GPR149: variants seen among roughly 807,000 people sequenced by gnomAD.
The protein encoded by GPR149 is probable G protein-coupled receptor 149.
A neutral mutation model predicts 50.2 loss-of-function variants in GPR149; 50 were observed. The ratio of observed to expected loss-of-function variants is 1.00; its 90% confidence interval spans 0.79 to 1.26. The LOEUF is 1.26. Ranked by LOEUF, GPR149 falls within the 50% of genes most tolerant of loss-of-function variation. The pLI, the probability that GPR149 is intolerant of heterozygous loss-of-function variation, is 0.00. For missense variants in GPR149, 983 were observed against 895.4 expected, an observed-to-expected ratio of 1.10 and a Z score of -1.25; for synonymous variants, 405 against 358.2, an observed-to-expected ratio of 1.13 and a Z score of -1.48.
At position 154,421,328 on chromosome 3, in the gene GPR149, TTG is replaced by T; in HGVS notation, c.1332_1333del (p.Asp444GlufsTer3). On this transcript the variant is annotated frameshift_variant, in exon 3 of 4. Coordinates refer to ENST00000389740, the MANE Select transcript of GPR149 (RefSeq NM_001038705.3). LOFTEE classifies it high-confidence loss of function. ...TTTTATAGCATTGAAGATGTTACGG[TTG>T]TCTCTCTGAGGGTCTTTTGTAGTTT... The T allele has an allele frequency of 6.2e-7, 1 of 1,613,352 alleles. No individual in the cohort carries two copies. Among genetic ancestry groups the T allele is most frequent in the Non-Finnish European group, 8.5e-7 (1 of 1,179,476 alleles).
At chr3:154,357,645 T>A (rs1714272084) in intron 3 of GPR149, among the ~76,000 whole-genome samples, 1 of 152,186 alleles carries the variant, frequency 6.6e-6, no homozygotes, top group East Asian at 1.9e-4. Context: ...AAACAACAGG[T>A]GCTAGAGAGG....
rs1447939437 is a variant in GPR149 at position 154,336,223 on chromosome 3, T to C, written c.*1476A>G. 4 of 152,124 alleles carry C rather than the reference T, an allele frequency of 2.6e-5. No individual in the cohort carries two copies. The highest frequency in any genetic ancestry group is 4.4e-5 in the Non-Finnish European group (3 of 67,948). The allele number at this position is 152,124 out of a possible 1,614,324, so 9.4% of individuals were successfully genotyped here. A position where few individuals can be genotyped will look rare whatever the true frequency, so the allele number is the denominator to read the frequency against. On this transcript the variant is annotated 3_prime_UTR_variant, in exon 4 of 4. Transcript: ENST00000389740. ...AGAAGTTAAAGATTGAGAAAGTCCA[T>C]TGAGATAATTATTTTGAAAATGACT... is the stretch of plus-strand genomic sequence containing the variant.
At chr3:154,379,966 AAAC>A (rs573877385) in intron 3 of GPR149, among the ~76,000 whole-genome samples, 3 of 152,180 alleles carry the variant, frequency 2.0e-5, no homozygotes, top group Non-Finnish European at 4.4e-5. Flanking sequence ...CTTTTGGTAG[AAAC>A]AAGCAAGCAA....
rs759637251 is a variant in GPR149 at position 154,401,646 on chromosome 3, C to G, written c.1623+19393G>C. On this transcript the variant is annotated intron_variant, in intron 3 of 3. Coordinates refer to ENST00000389740, the MANE Select transcript of GPR149 (RefSeq NM_001038705.3). ...TAGATACATTTCAACTTTCAGAAGG[C>G]AAACTGGGGGGAAAAACAGGAAAAA... is the stretch of plus-strand genomic sequence containing the variant. Among the ~76,000 whole-genome samples, 150 of 151,652 alleles carry G rather than the reference C, an allele frequency of 9.9e-4. 4 individuals carry two copies. The highest frequency in any genetic ancestry group is 3.5e-3 in the Admixed American group (53 of 15,208).
chr3:154,396,542 T>C (rs762529544), intron 3 of GPR149, among the ~76,000 whole-genome samples: 21 of 152,138 alleles, frequency 1.4e-4, no homozygotes, highest in Non-Finnish European at 2.4e-4. Context: ...ACAGTTTAAA[T>C]TAATCATTAT....
rs1196530746 is a variant in GPR149 at position 154,429,229 on chromosome 3, G to T, written c.387C>A (p.Tyr129Ter). ...CACCTCTGTGCATCGTATAAAAGTT[G>T]TAAGAGACTAGGAGAGTCGCCTTCA... The part of the protein sequence containing the change: ...SNLKATLLVS[Y>*]NFYTMHRGVG... Residue 129 changes from tyrosine (Y) to a stop codon, truncating the protein, a stop_gained, in exon 1 of 4, where the codon TAC (tyrosine) becomes TAA (stop). Coordinates refer to ENST00000389740, the MANE Select transcript of GPR149 (RefSeq NM_001038705.3). LOFTEE classifies it high-confidence loss of function. 2.5e-6 allele frequency: 4 copies of T among 1,614,082 alleles called. No individual in the cohort carries two copies. The highest frequency in any genetic ancestry group is 2.2e-5 in the East Asian group (1 of 44,874).
At chr3:154,427,795 C>T in intron 1 of GPR149, 87 bp from the exon 2 acceptor site, 1 of 1,246,140 alleles carries the variant, frequency 8.0e-7, no homozygotes. Flanking sequence ...GCCTCAGTTC[C>T]CTTTCCAGTT....
chr3:154,367,166 C>G (rs758972420), intron 3 of GPR149, among the ~76,000 whole-genome samples: 1 of 152,138 alleles, frequency 6.6e-6, no homozygotes, highest in Admixed American at 6.5e-5. Flanking sequence ...GTGAAACTCA[C>G]TCCTTTCCTG....
chr3:154,336,655 A>C lies in GPR149; in HGVS notation c.*1044T>G, dbSNP rs1713661860. On this transcript the variant is annotated 3_prime_UTR_variant, in exon 4 of 4. Coordinates refer to ENST00000389740, the MANE Select transcript of GPR149 (RefSeq NM_001038705.3). ...ACAATCACTTAATAAAATAGGTTCA[A>C]CTGTTTCTTTGAGACAACACGTCTT... 6.6e-6 allele frequency: 1 copy of C among 152,130 alleles called. No individual in the cohort carries two copies. Among genetic ancestry groups the C allele is most frequent in the African/African-American group, 2.4e-5 (1 of 41,444 alleles). 9.4% of individuals were successfully genotyped at this position (152,130 alleles called of 1,614,324 possible).
At chr3:154,351,343 A>AT (rs1714077747) in intron 3 of GPR149, among the ~76,000 whole-genome samples, 1 of 128,214 alleles carries the variant, frequency 7.8e-6, no homozygotes, top group Non-Finnish European at 1.6e-5. Flanking sequence ...AAAAAAAAAA[A>AT]AATAACCAGC....
chr3:154,426,419 G>A (rs1000151949), intron 2 of GPR149, among the ~76,000 whole-genome samples: 1 of 152,090 alleles, frequency 6.6e-6, no homozygotes, highest in Non-Finnish European at 1.5e-5. Context: ...TCTAGATTTT[G>A]CAACCCTAAA....
intron 3 of GPR149, among the ~76,000 whole-genome samples, chr3:154,344,371 C>T (rs1396834860): frequency 6.6e-6 from 1 of 151,964 alleles, no homozygotes. Context: ...AAGTAAAAGG[C>T]AATAGTATCT....
chr3:154,339,779 C>CT lies in GPR149; in HGVS notation c.1624-1509dup, dbSNP rs71152802. On this transcript the variant is annotated intron_variant, in intron 3 of 3. Transcript: ENST00000389740. ...TTGGGGGTGCCTTCATGCTCTACTTCTTTTTTTTTTTTTTTTTTTTTTTTT... is the reference window on the plus strand; with the variant it reads ...TTGGGGGTGCCTTCATGCTCTACTTCTTTTTTTTTTTTTTTTTTTTTTTTTT... Among the ~76,000 whole-genome samples, 229 of 68,358 alleles carry CT rather than the reference C, an allele frequency of 3.4e-3. 14 individuals carry two copies. The highest frequency in any genetic ancestry group is 4.7e-3 in the African/African-American group (69 of 14,796). The allele number at this position is 68,358 out of a possible 152,430, so 44.8% of individuals were successfully genotyped here.
At chr3:154,358,599 A>G (rs1276825670) in intron 3 of GPR149, among the ~76,000 whole-genome samples, 1 of 152,338 alleles carries the variant, frequency 6.6e-6, no homozygotes, top group African/African-American at 2.4e-5. Context: ...CAAAGCCACT[A>G]CGCAGCCTAC....
intron 1 of GPR149, among the ~76,000 whole-genome samples, chr3:154,428,082 G>A (rs908744838): frequency 6.6e-6 from 1 of 152,122 alleles, no homozygotes; most frequent in African/African-American, 2.4e-5. Context: ...GCCCATGCGC[G>A]CTCGTCACAG....
intron 3 of GPR149, among the ~76,000 whole-genome samples, chr3:154,339,637 T>A (rs1361539375): frequency 6.6e-6 from 1 of 152,128 alleles, no homozygotes; most frequent in South Asian, 2.1e-4. Flanking sequence ...TCACCCTACT[T>A]GCTATGGGCA....
At chr3:154,394,620 G>T (rs760920162) in intron 3 of GPR149, among the ~76,000 whole-genome samples, 6 of 152,044 alleles carry the variant, frequency 3.9e-5, no homozygotes, top group Admixed American at 1.3e-4. Flanking sequence ...CAGAATAGAA[G>T]AAAATATTTG....
At chr3:154,359,817 A>G (rs541657889) in intron 3 of GPR149, among the ~76,000 whole-genome samples, 52 of 152,288 alleles carry the variant, frequency 3.4e-4, no homozygotes, top group African/African-American at 1.2e-3. Context: ...TTCCTAATCA[A>G]TGGAAGAGAA....
chr3:154,396,809 G>A (rs952070284), intron 3 of GPR149, among the ~76,000 whole-genome samples: 1 of 151,540 alleles, frequency 6.6e-6, no homozygotes. Flanking sequence ...CTATCAGACT[G>A]GAGTAGTGAG....
Sources: gnomAD v4.1 joint callset for allele counts (sites outside exome capture counted in the v4.1 genomes callset) on GRCh38, gnomAD v4.1.1 for gene constraint, MANE v1.5 for transcripts, NCBI Gene and HGNC (gene_info 2026-07-23, HGNC 2026-07-21) for gene names.